CRACD: variants seen among roughly 807,000 people sequenced by gnomAD.
CRACD encodes capping protein inhibiting regulator of actin dynamics, also known as capping protein-inhibiting regulator of actin dynamics.
A neutral mutation model predicts 106.8 loss-of-function variants in CRACD; 56 were observed. That is an observed-to-expected ratio of 0.52 (90% confidence interval 0.42 to 0.66). CRACD has a LOEUF of 0.66. Among genes scored for constraint, CRACD ranks in the 30% least tolerant of loss-of-function variants. The pLI is 0.00. For missense variants in CRACD, 1,730 were observed against 1,623.2 expected, an observed-to-expected ratio of 1.07 and a Z score of -1.13; for synonymous variants, 754 against 670.8, an observed-to-expected ratio of 1.12 and a Z score of -1.92.
intron 8 of CRACD, among the ~76,000 whole-genome samples, chr4:56,319,459 T>C (rs1163763045): frequency 6.6e-6 from 1 of 151,528 alleles, no homozygotes; most frequent in Non-Finnish European, 1.5e-5. Context: ...ATTCAAAAAT[T>C]AGCTGGGCAT....
At chr4:56,160,521 A>G (rs1485273713) in intron 1 of CRACD, among the ~76,000 whole-genome samples, 1 of 152,194 alleles carries the variant, frequency 6.6e-6, no homozygotes, top group Non-Finnish European at 1.5e-5. Flanking sequence ...TATAAAGTTT[A>G]TATTAATATG....
intron 3 of CRACD, among the ~76,000 whole-genome samples, chr4:56,284,732 A>G (rs1743237072): frequency 1.1e-5 from 1 of 86,964 alleles, no homozygotes; most frequent in Non-Finnish European, 2.8e-5. Flanking sequence ...CTCGAAAACA[A>G]AAAACAAAAA....
At chr4:56,269,197 A>G (rs1742203642) in intron 2 of CRACD, among the ~76,000 whole-genome samples, 1 of 152,120 alleles carries the variant, frequency 6.6e-6, no homozygotes, top group Admixed American at 6.5e-5. Context: ...GGCCTGGCCA[A>G]CACAGTGATA....
intron 1 of CRACD, among the ~76,000 whole-genome samples, chr4:56,134,256 T>C (rs1015668993): frequency 4.6e-5 from 7 of 151,904 alleles, no homozygotes; most frequent in Non-Finnish European, 8.8e-5. Context: ...GACAGTCAAA[T>C]AAAGGAAGGA....
intron 1 of CRACD, among the ~76,000 whole-genome samples, chr4:56,172,891 G>C (rs1443403380): frequency 6.6e-6 from 1 of 152,148 alleles, no homozygotes. Context: ...CAAAGTGCTG[G>C]ATTACGGGCA....
Position 56,248,497 on chromosome 4 carries a change from A to AT in CRACD, c.-188-23813dup, listed in dbSNP as rs200888572. Among the ~76,000 whole-genome samples the AT allele has an allele frequency of 3.1e-3, 451 of 147,180 alleles. 5 individuals are homozygous for AT. Among genetic ancestry groups the AT allele is most frequent in the African/African-American group, 9.5e-3 (384 of 40,354 alleles). On this transcript the variant is annotated intron_variant, in intron 2 of 10. Coordinates refer to ENST00000682029, the MANE Select transcript of CRACD (RefSeq NM_001393381.1). Reference sequence around the variant, plus strand: ...AGATGCCATCAAGGCTCAATGCATTATTTTTTTTTTTGAATGCACATTTTC... The same window carrying AT: ...AGATGCCATCAAGGCTCAATGCATTATTTTTTTTTTTTGAATGCACATTTTC...
intron 2 of CRACD, among the ~76,000 whole-genome samples, chr4:56,260,252 T>C (rs918088416): frequency 6.6e-6 from 1 of 152,196 alleles, no homozygotes; most frequent in African/African-American, 2.4e-5. Context: ...ACGATAATGA[T>C]AGTTAACTTT....
In CRACD at chr4:56,316,160, G is replaced by A. The variant is rs1317053467; in HGVS notation, c.2658G>A (p.Ala886=). 5.6e-6 allele frequency: 9 copies of A among 1,614,014 alleles called. No homozygotes were observed. The African/African-American group carries it at 8.0e-5, about 14-fold the overall frequency. The change falls in exon 8 of 11, where the codon GCG becomes GCA. Residue 886 remains alanine (A), a synonymous_variant. Coordinates refer to ENST00000682029, the MANE Select transcript of CRACD (RefSeq NM_001393381.1). Reference sequence around the variant, plus strand: ...GCGCGGATGCAGGGCCGCCTGCAGCGGGGAGCGCTCGTGGAGAGAAAGAGA... The same window carrying A: ...GCGCGGATGCAGGGCCGCCTGCAGCAGGGAGCGCTCGTGGAGAGAAAGAGA... ...GDSADAGPPA[A]GSARGEKEME...
At chr4:56,249,517 T>C (rs927952093) in intron 2 of CRACD, among the ~76,000 whole-genome samples, 2 of 152,038 alleles carry the variant, frequency 1.3e-5, no homozygotes, top group African/African-American at 4.8e-5. Flanking sequence ...TTCTCCCATT[T>C]TGTAGGTTGC....
At chr4:56,201,293 C>G (rs1210318521) in intron 2 of CRACD, among the ~76,000 whole-genome samples, 1 of 152,170 alleles carries the variant, frequency 6.6e-6, no homozygotes, top group Non-Finnish European at 1.5e-5. Flanking sequence ...AACCGTCTCT[C>G]TTTATACTTG....
At chr4:56,300,155 T>C (rs187103498) in intron 4 of CRACD, among the ~76,000 whole-genome samples, 2 of 152,180 alleles carry the variant, frequency 1.3e-5, no homozygotes, top group East Asian at 3.9e-4. Flanking sequence ...AAGAAAATTA[T>C]TTGTGAGGTG....
At position 56,316,063 on chromosome 4, in the gene CRACD, A is replaced by G; in HGVS notation, c.2561A>G (p.Tyr854Cys). Residue 854 changes from tyrosine (Y) to cysteine (C), a missense_variant, in exon 8 of 11, where the codon TAT becomes TGT. Around this residue, in one of 5 missense-constraint regions of CRACD, gnomAD observed 1,620 missense variants for 1,481.6 expected, o/e 1.09. Coordinates refer to ENST00000682029, the MANE Select transcript of CRACD (RefSeq NM_001393381.1). ...GGAATAAAATTGAGAAGGACCAACT[A>G]TTCCTTGCGCTTCAACTGCGACCAA... ...PFGIKLRRTN[Y>C]SLRFNCDQQA... The G allele has an allele frequency of 6.2e-7, 1 of 1,614,188 alleles. No individual in the cohort carries two copies. Among genetic ancestry groups the G allele is most frequent in the Non-Finnish European group, 8.5e-7 (1 of 1,180,032 alleles).
chr4:56,076,717 C>G (rs1168894921), intron 1 of CRACD, among the ~76,000 whole-genome samples: 1 of 152,122 alleles, frequency 6.6e-6, no homozygotes, highest in Non-Finnish European at 1.5e-5. Context: ...CTTTTCTGGC[C>G]CTCCAGTGTG....
chr4:56,049,898 CTGTT>C (rs1458084025), intron 1 of CRACD: 2 of 152,248 alleles, frequency 1.3e-5, no homozygotes, highest in Non-Finnish European at 2.9e-5. Flanking sequence ...GGTGTAAAAT[CTGTT>C]TTCTTTATCT....
At chr4:56,220,086 C>T (rs1026528354) in intron 2 of CRACD, among the ~76,000 whole-genome samples, 4 of 152,138 alleles carry the variant, frequency 2.6e-5, no homozygotes, top group Non-Finnish European at 4.4e-5. Context: ...CCTTTGGTAA[C>T]GTAGGCAGGG....
intron 3 of CRACD, among the ~76,000 whole-genome samples, chr4:56,281,427 A>C (rs887994803): frequency 3.9e-5 from 6 of 152,106 alleles, no homozygotes; most frequent in African/African-American, 1.4e-4. Flanking sequence ...AGGTATAGCG[A>C]TTCTTAGAGA....
chr4:56,137,864 GCAAA>G (rs369093731), intron 1 of CRACD, among the ~76,000 whole-genome samples: 5 of 152,076 alleles, frequency 3.3e-5, no homozygotes, highest in African/African-American at 7.2e-5. Flanking sequence ...AAACAAACAA[GCAAA>G]CAAACAAAAG....
At chr4:56,101,632 G>A (rs980674787) in intron 1 of CRACD, among the ~76,000 whole-genome samples, 8 of 151,794 alleles carry the variant, frequency 5.3e-5, no homozygotes, top group African/African-American at 1.9e-4. Flanking sequence ...GTGTGGTGGT[G>A]GGCATCTGTA....
At chr4:56,114,802 T>A (rs1326218705) in intron 1 of CRACD, among the ~76,000 whole-genome samples, 1 of 152,104 alleles carries the variant, frequency 6.6e-6, no homozygotes, top group Non-Finnish European at 1.5e-5. Flanking sequence ...TATTTATATA[T>A]GTAGTATATT....
Sources: gnomAD v4.1 joint callset for allele counts (sites outside exome capture counted in the v4.1 genomes callset) on GRCh38, gnomAD v4.1.1 for gene constraint, gnomAD v4.1.1 regional missense constraint, MANE v1.5 for transcripts, NCBI Gene and HGNC (gene_info 2026-07-23, HGNC 2026-07-21) for gene names.